The following STAT3 variants were observed in gnomAD, a reference collection of about 807,000 sequenced individuals.
STAT3 encodes the protein signal transducer and activator of transcription 3, also known as DNA-binding protein APRF.
A neutral mutation model predicts 114.3 loss-of-function variants in STAT3; 7 were observed. The observed-to-expected ratio is 0.06, with a 90% CI of 0.03 to 0.11. The LOEUF (loss-of-function observed/expected upper bound fraction) is 0.11, where lower values mean the gene tolerates loss of function less well. Among genes scored for constraint, STAT3 ranks in the 10% least tolerant of loss-of-function variants. STAT3 has a pLI of 1.00. For synonymous variants in STAT3, 331 were observed against 354.5 expected (o/e 0.93, Z 0.74); for missense variants, 364 against 960.9 (o/e 0.38, Z 8.21).
chr17:42,329,870 C>T, intron 11 of STAT3, 94 bp from the exon 12 acceptor site: 1 of 1,355,512 alleles, frequency 7.4e-7, no homozygotes, highest in East Asian at 2.4e-5. Context: ...ATGAAAAAAC[C>T]TCTGTGCTCC....
chr17:42,314,437 C>G lies in STAT3; in HGVS notation c.*1308G>C, dbSNP rs756528147. On this transcript the variant is annotated 3_prime_UTR_variant, in exon 24 of 24. Coordinates refer to ENST00000264657, the MANE Select transcript of STAT3 (RefSeq NM_139276.3). Reference sequence around the variant, plus strand: ...AAACAGGATGAGGGACCTTTAGACACGCAAGGAGACATGCCTCTAGCAGGA... The same window carrying G: ...AAACAGGATGAGGGACCTTTAGACAGGCAAGGAGACATGCCTCTAGCAGGA... 8.9e-6 allele frequency: 2 copies of G among 223,516 alleles called. No individual in the cohort carries two copies. Among genetic ancestry groups the G allele is most frequent in the Non-Finnish European group, 1.8e-5 (2 of 112,818 alleles). The allele number at this position is 223,516 out of a possible 1,614,324, so 13.8% of individuals were successfully genotyped here. A position where few individuals can be genotyped will look rare whatever the true frequency, so the allele number is the denominator to read the frequency against.
intron 1 of STAT3, among the ~76,000 whole-genome samples, chr17:42,384,382 G>A (rs956134249): frequency 5.9e-5 from 9 of 151,924 alleles, no homozygotes; most frequent in African/African-American, 2.2e-4. Context: ...CGCGCGTCTG[G>A]GCCTCCCAAA....
Position 42,345,276 on chromosome 17 carries a change from A to G in STAT3, c.372+283T>C, listed in dbSNP as rs1367864919. The G allele has an allele frequency of 7.8e-6, 3 of 384,428 alleles. No individual in the cohort carries two copies. The East Asian group carries it at 1.7e-4, about 22-fold the overall frequency. The allele number at this position is 384,428 out of a possible 1,614,324, so 23.8% of individuals were successfully genotyped here. ...GCAAAACTCTGTCTCAGAAAAAAAA[A>G]AAAAGAAAAACAAAGAAAATTTGTC... On this transcript the variant is annotated intron_variant, in intron 4 of 23. Coordinates refer to ENST00000264657, the MANE Select transcript of STAT3 (RefSeq NM_139276.3).
In STAT3 at chr17:42,313,346, T is replaced by C. The variant is rs2081141271; in HGVS notation, c.*2399A>G. Reference sequence around the variant, plus strand: ...TCAGACGGTTCCTATATAACGTTTATTTCTGGAAGTTAAAGTAGATACAGC... The same window carrying C: ...TCAGACGGTTCCTATATAACGTTTACTTCTGGAAGTTAAAGTAGATACAGC... On this transcript the variant is annotated 3_prime_UTR_variant, in exon 24 of 24. Transcript: ENST00000264657. 5.2e-6 allele frequency: 1 copy of C among 190,998 alleles called. No homozygotes were observed. Among genetic ancestry groups the C allele is most frequent in the Non-Finnish European group, 1.1e-5 (1 of 93,386 alleles). 11.8% of individuals were successfully genotyped at this position (190,998 alleles called of 1,614,324 possible). A position where few individuals can be genotyped will look rare whatever the true frequency, so the allele number is the denominator to read the frequency against.
chr17:42,322,634 G>T, intron 20 of STAT3, 140 bp from the exon 21 acceptor site: 1 of 926,406 alleles, frequency 1.1e-6, no homozygotes, highest in Non-Finnish European at 1.8e-6. Flanking sequence ...CTGTTCAGTG[G>T]CCTGGCACTG....
intron 1 of STAT3, among the ~76,000 whole-genome samples, chr17:42,357,857 C>A (rs1394091439): frequency 6.6e-6 from 1 of 151,908 alleles, no homozygotes; most frequent in Non-Finnish European, 1.5e-5. Flanking sequence ...CCAAATAGTA[C>A]CTTTGTAAGA....
At position 42,365,855 on chromosome 17, in the gene STAT3, C is replaced by G. The variant is rs912239149; in HGVS notation, c.-23-17316G>C. Among the ~76,000 whole-genome samples, 304 of 152,054 alleles carry G rather than the reference C, an allele frequency of 2.0e-3. 2 individuals carry two copies. Among genetic ancestry groups the G allele is most frequent in the African/African-American group, 6.8e-3 (283 of 41,474 alleles). ...ATTTTCAGTAGAGACAGGGTTTCAC[C>G]ATATTGGCCAGGCTGGTCTCAAACT... On this transcript the variant is annotated intron_variant, in intron 1 of 23. Coordinates refer to ENST00000264657, the MANE Select transcript of STAT3 (RefSeq NM_139276.3).
At chr17:42,326,271 G>GC in intron 14 of STAT3, 72 bp from the exon 15 acceptor site, 1 of 1,403,922 alleles carries the variant, frequency 7.1e-7, no homozygotes, top group Non-Finnish European at 1.0e-6. Context: ...ACTTTGGGAG[G>GC]CCAAGGCAGG....
intron 15 of STAT3, 154 bp from the exon 16 acceptor site, chr17:42,325,215 T>C: frequency 1.5e-6 from 1 of 682,434 alleles, no homozygotes; most frequent in South Asian, 1.8e-5. Flanking sequence ...GTGAGTCAGC[T>C]CAGTGAGCAC....
intron 1 of STAT3, among the ~76,000 whole-genome samples, chr17:42,359,799 G>A (rs1018246910): frequency 1.4e-4 from 21 of 152,046 alleles, no homozygotes; most frequent in African/African-American, 4.6e-4. Flanking sequence ...GGTGGCTCAC[G>A]CCTGTAATCC....
chr17:42,376,961 T>TTTA lies in STAT3; in HGVS notation c.-24+11317_-24+11318insTAA, dbSNP rs2084506014. On this transcript the variant is annotated intron_variant, in intron 1 of 23. Coordinates refer to ENST00000264657, the MANE Select transcript of STAT3 (RefSeq NM_139276.3). ...TGTTTAAGTGCAATGGGGTAAAACATGCACTCTGTTAACTAAAAAGCCACA... is the reference window on the plus strand; with the variant it reads ...TGTTTAAGTGCAATGGGGTAAAACATTTAGCACTCTGTTAACTAAAAAGCCACA... Among the ~76,000 whole-genome samples the TTTA allele has an allele frequency of 3.9e-5, 6 of 152,314 alleles. No homozygotes were observed. In the South Asian group the frequency reaches 1.2e-3, roughly 32 times the overall value.
intron 1 of STAT3, among the ~76,000 whole-genome samples, chr17:42,367,977 T>C (rs2083899642): frequency 6.6e-6 from 1 of 152,152 alleles, no homozygotes; most frequent in Non-Finnish European, 1.5e-5. Flanking sequence ...ATAGGTACAA[T>C]AATGCATGCA....
Position 42,333,579 on chromosome 17 carries a change from C to A in STAT3, c.1049+94G>T. 7.1e-7 allele frequency: 1 copy of A among 1,410,166 alleles called. No homozygotes were observed. Among genetic ancestry groups the A allele is most frequent in the Non-Finnish European group, 1.0e-6 (1 of 1,004,800 alleles). 87.4% of individuals were successfully genotyped at this position (1,410,166 alleles called of 1,614,324 possible). A position where few individuals can be genotyped will look rare whatever the true frequency, so the allele number is the denominator to read the frequency against. Reference sequence around the variant, plus strand: ...ACAGTGTACTGCCTGTGACACCACACCTGGAAAGAATGACCCTGGCCACCA... The same window carrying A: ...ACAGTGTACTGCCTGTGACACCACAACTGGAAAGAATGACCCTGGCCACCA... On this transcript the variant is annotated intron_variant, in intron 10 of 23. Transcript: ENST00000264657. This position sits in a 1 kb window ranked among gnomAD's most constrained non-coding sequence, Gnocchi z 5.2.
chr17:42,316,960 A>G, intron 22 of STAT3, 59 bp from the exon 23 acceptor site: 5 of 1,559,030 alleles, frequency 3.2e-6, no homozygotes, highest in Middle Eastern at 3.9e-4. Flanking sequence ...CACAATGGAA[A>G]AAAAAAAAAG....
Position 42,346,465 on chromosome 17 carries a change from T to A in STAT3, c.273+104A>T, listed in dbSNP as rs45570640. On this transcript the variant is annotated intron_variant, in intron 3 of 23. Coordinates refer to ENST00000264657, the MANE Select transcript of STAT3 (RefSeq NM_139276.3). Reference sequence around the variant, plus strand: ...CCTGTGATTGAAAATACAAGATAGATTCTCGTTACTTAGCCAAATGAGAAA... The same window carrying A: ...CCTGTGATTGAAAATACAAGATAGAATCTCGTTACTTAGCCAAATGAGAAA... 4 of 1,528,902 alleles carry A rather than the reference T, an allele frequency of 2.6e-6. No homozygotes were observed. The East Asian group carries it at 9.0e-5, about 34-fold the overall frequency. 94.7% of individuals were successfully genotyped at this position (1,528,902 alleles called of 1,614,324 possible). A position where few individuals can be genotyped will look rare whatever the true frequency, so the allele number is the denominator to read the frequency against.
chr17:42,340,381 C>T (rs2082393995), intron 4 of STAT3, among the ~76,000 whole-genome samples: 1 of 150,064 alleles, frequency 6.7e-6, no homozygotes, highest in Non-Finnish European at 1.5e-5. Context: ...AAATTACAGG[C>T]TTGGGCTAGG....
At chr17:42,386,369 G>C (rs186235981) in intron 1 of STAT3, among the ~76,000 whole-genome samples, 1 of 151,714 alleles carries the variant, frequency 6.6e-6, no homozygotes, top group African/African-American at 2.4e-5. Context: ...ACTCTGCTGC[G>C]TTGGCCAAGT....
chr17:42,362,570 AT>A (rs1274070189), intron 1 of STAT3, among the ~76,000 whole-genome samples: 1 of 152,244 alleles, frequency 6.6e-6, no homozygotes, highest in Non-Finnish European at 1.5e-5. Flanking sequence ...AATAGCATGG[AT>A]TTGAATCCTG....
intron 15 of STAT3, among the ~76,000 whole-genome samples, chr17:42,325,374 T>C (rs1025936655): frequency 3.9e-5 from 6 of 152,166 alleles, no homozygotes; most frequent in Non-Finnish European, 8.8e-5. Context: ...CTCCAAGACT[T>C]GAAGCTGTAT....
Sources: gnomAD v4.1 joint callset for allele counts (sites outside exome capture counted in the v4.1 genomes callset) on GRCh38, gnomAD v4.1.1 for gene constraint, Gnocchi (gnomAD v3.1) non-coding constraint, MANE v1.5 for transcripts, NCBI Gene and HGNC (gene_info 2026-07-23, HGNC 2026-07-21) for gene names.